Variants in AMPH observed in about 807,000 individuals in gnomAD.
AMPH encodes amphiphysin (Stiff-Mann syndrome with breast cancer 128kD autoantigen).
In AMPH, 49 loss-of-function variants were observed where a neutral mutation model predicts 99.1. The observed-to-expected ratio is 0.49, with a 90% CI of 0.39 to 0.63. The LOEUF (loss-of-function observed/expected upper bound fraction) is 0.63. Among genes scored for constraint, AMPH ranks in the 20% least tolerant of loss-of-function variants. The pLI is 0.00. For missense variants in AMPH, 759 were observed against 863.4 expected (o/e 0.88, Z 1.52); for synonymous variants, 314 against 317.3 (o/e 0.99, Z 0.11).
chr7:38,418,079 G>A, intron 16 of AMPH, 129 bp from the exon 17 acceptor site: 1 of 1,079,210 alleles, frequency 9.3e-7, no homozygotes, highest in Non-Finnish European at 1.3e-6. Flanking sequence ...AATCCGTGCT[G>A]GAGAAAAGCC....
At chr7:38,507,852 G>A (rs945152926) in intron 2 of AMPH, among the ~76,000 whole-genome samples, 6 of 152,136 alleles carry the variant, frequency 3.9e-5, no homozygotes, top group African/African-American at 1.4e-4. Context: ...TTATAATTAA[G>A]TTGTCTGAAT....
intron 1 of AMPH, among the ~76,000 whole-genome samples, chr7:38,538,231 T>C (rs752903037): frequency 1.3e-5 from 2 of 152,212 alleles, no homozygotes; most frequent in Non-Finnish European, 2.9e-5. Flanking sequence ...AAATACATTC[T>C]GAGAATCCAT....
At chr7:38,425,955 C>T (rs1785768755) in intron 15 of AMPH, among the ~76,000 whole-genome samples, 1 of 152,114 alleles carries the variant, frequency 6.6e-6, no homozygotes, top group African/African-American at 2.4e-5. Flanking sequence ...ATGACAGAGC[C>T]TATCATAACC....
At chr7:38,622,908 C>G (rs1794121995) in intron 1 of AMPH, among the ~76,000 whole-genome samples, 1 of 152,186 alleles carries the variant, frequency 6.6e-6, no homozygotes, top group Non-Finnish European at 1.5e-5. Context: ...CCTGCCTCCA[C>G]CCTAAGACCC....
rs71558128 is a variant in AMPH, at chr7:38,613,804, C to CAAA, written c.69+17476_69+17478dup. ...GAGGTTTAGCTGCAGGAATAAAAGC[C>CAAA]AAAAAAAAAAAAAATAGCAGCTTCT... is the stretch of plus-strand genomic sequence containing the variant. On this transcript the variant is annotated intron_variant, in intron 1 of 20. Transcript: ENST00000356264. 6.3e-3 allele frequency among the ~76,000 whole-genome samples: 918 copies of CAAA among 144,782 alleles called. 9 individuals carry two copies. Among genetic ancestry groups the CAAA allele is most frequent in the South Asian group, 6.0e-3 (26 of 4,360 alleles). 95.0% of individuals were successfully genotyped at this position (144,782 alleles called of 152,430 possible). A position where few individuals can be genotyped will look rare whatever the true frequency, so the allele number is the denominator to read the frequency against.
chr7:38,445,609 C>T (rs990562342), intron 11 of AMPH, among the ~76,000 whole-genome samples: 3 of 152,050 alleles, frequency 2.0e-5, no homozygotes, highest in Admixed American at 1.3e-4. Flanking sequence ...AGGCACTTCA[C>T]CAAAGAAGAT....
intron 1 of AMPH, among the ~76,000 whole-genome samples, chr7:38,561,848 G>A (rs1411174889): frequency 6.6e-6 from 1 of 151,778 alleles, no homozygotes; most frequent in Non-Finnish European, 1.5e-5. Flanking sequence ...CAGCAAGAAG[G>A]TGGCCATCTG....
Position 38,610,376 on chromosome 7 carries a change from AGG to A in AMPH, c.69+20905_69+20906del, listed in dbSNP as rs1491446726. ...AAGAAAAGAAAAGAAAAGAAAAGAA[AGG>A]AAAGGAAAAGAAAAGAAAAGAAAAG... On this transcript the variant is annotated intron_variant, in intron 1 of 20. Coordinates refer to ENST00000356264, the MANE Select transcript of AMPH (RefSeq NM_001635.4). 1.4e-3 allele frequency among the ~76,000 whole-genome samples: 73 copies of A among 52,054 alleles called. 14 individuals are homozygous for A. Among genetic ancestry groups the A allele is most frequent in the African/African-American group, 2.1e-3 (23 of 10,972 alleles). The allele number at this position is 52,054 out of a possible 152,430, so 34.1% of individuals were successfully genotyped here.
intron 5 of AMPH, among the ~76,000 whole-genome samples, chr7:38,483,177 A>G (rs573777535): frequency 6.6e-6 from 1 of 152,200 alleles, no homozygotes; most frequent in South Asian, 2.1e-4. Context: ...AGTGCCTTCT[A>G]CTTGCCTGTC....
At chr7:38,536,081 A>C (rs1284686214) in intron 1 of AMPH, among the ~76,000 whole-genome samples, 1 of 152,188 alleles carries the variant, frequency 6.6e-6, no homozygotes, top group Non-Finnish European at 1.5e-5. Flanking sequence ...CAGAAATACT[A>C]AAAAACAAGG....
At chr7:38,401,334 GA>G (rs1172189105) in intron 17 of AMPH, among the ~76,000 whole-genome samples, 1 of 152,136 alleles carries the variant, frequency 6.6e-6, no homozygotes, top group Non-Finnish European at 1.5e-5. Context: ...CAAAAACATA[GA>G]ATCATACAAT....
intron 1 of AMPH, among the ~76,000 whole-genome samples, chr7:38,612,505 G>GC (rs1793723610): frequency 6.6e-6 from 1 of 152,146 alleles, no homozygotes; most frequent in Non-Finnish European, 1.5e-5. Context: ...CTTTTCTACA[G>GC]CCTAAACAGT....
intron 1 of AMPH, among the ~76,000 whole-genome samples, chr7:38,574,554 T>C (rs1339794755): frequency 1.3e-5 from 2 of 152,216 alleles, no homozygotes; most frequent in Non-Finnish European, 2.9e-5. Flanking sequence ...CCTCTGCCAC[T>C]TACAAGGGAG....
At chr7:38,598,570 G>A (rs865961794) in intron 1 of AMPH, among the ~76,000 whole-genome samples, 1 of 152,130 alleles carries the variant, frequency 6.6e-6, no homozygotes, top group East Asian at 1.9e-4. Flanking sequence ...CCAAAGTGCT[G>A]GGATTACAGG....
intron 2 of AMPH, among the ~76,000 whole-genome samples, chr7:38,532,717 C>G (rs545752886): frequency 2.0e-5 from 3 of 150,172 alleles, no homozygotes; most frequent in Non-Finnish European, 4.4e-5. Context: ...ACAATCCTCA[C>G]CTGGGGCAGT....
chr7:38,442,312 T>A (rs1279860659), intron 11 of AMPH, among the ~76,000 whole-genome samples: 1 of 152,178 alleles, frequency 6.6e-6, no homozygotes, highest in East Asian at 1.9e-4. Flanking sequence ...ATATGCTTAC[T>A]CAGTCCACTC....
chr7:38,402,759 T>G (rs1784877485), intron 17 of AMPH, among the ~76,000 whole-genome samples: 1 of 152,246 alleles, frequency 6.6e-6, no homozygotes, highest in South Asian at 2.1e-4. Context: ...TTCCCTTGCC[T>G]GGCTCAGGTA....
chr7:38,545,131 C>T (rs1255217170), intron 1 of AMPH, among the ~76,000 whole-genome samples: 1 of 152,180 alleles, frequency 6.6e-6, no homozygotes, highest in African/African-American at 2.4e-5. Flanking sequence ...GTTGCCAATG[C>T]AACCAAGAAA....
intron 11 of AMPH, among the ~76,000 whole-genome samples, chr7:38,461,061 A>G (rs1438923966): frequency 6.6e-6 from 1 of 152,202 alleles, no homozygotes; most frequent in African/African-American, 2.4e-5. Flanking sequence ...CCAATTTTCT[A>G]TAAGTATATA....
Sources: gnomAD v4.1 joint callset for allele counts (sites outside exome capture counted in the v4.1 genomes callset) on GRCh38, gnomAD v4.1.1 for gene constraint, MANE v1.5 for transcripts, NCBI Gene and HGNC (gene_info 2026-07-23, HGNC 2026-07-21) for gene names.